The following LTBP2 variants were observed in gnomAD, a reference collection of about 807,000 sequenced individuals.
LTBP2 encodes latent transforming growth factor beta binding protein 2.
LTBP2 carries 103 observed loss-of-function variants against 210.6 expected under a neutral mutation model. That is an observed-to-expected ratio of 0.49 (90% CI 0.42 to 0.58). The LOEUF is 0.58. Among genes scored for constraint, LTBP2 ranks in the 20% least tolerant of loss-of-function variants. LTBP2 has a pLI of 0.00. For synonymous variants in LTBP2, 1,007 were observed against 1,015.0 expected, an observed-to-expected ratio of 0.99 and a Z score of 0.15; for missense variants, 2,313 against 2,494.5, an observed-to-expected ratio of 0.93 and a Z score of 1.55.
At position 74,545,340 on chromosome 14, in the gene LTBP2, C is replaced by G. The variant is rs189793226; in HGVS notation, c.1789+4523G>C. Among the ~76,000 whole-genome samples, 684 of 152,248 alleles carry G rather than the reference C, an allele frequency of 4.5e-3. 8 individuals are homozygous for G. Among genetic ancestry groups the G allele is most frequent in the Non-Finnish European group, 5.1e-3 (345 of 68,010 alleles). On this transcript the variant is annotated intron_variant, in intron 8 of 35. Coordinates refer to ENST00000261978, the MANE Select transcript of LTBP2 (RefSeq NM_000428.3). Reference sequence around the variant, plus strand: ...AGGTGGCTGTACAAATTCAGTGAGACAAAACATGTGAAGGGCCCAGTGTAA... The same window carrying G: ...AGGTGGCTGTACAAATTCAGTGAGAGAAAACATGTGAAGGGCCCAGTGTAA...
chr14:74,592,827 C>T (rs755059453), intron 2 of LTBP2, among the ~76,000 whole-genome samples: 8 of 152,120 alleles, frequency 5.3e-5, no homozygotes, highest in Non-Finnish European at 8.8e-5. Flanking sequence ...AGACGGAATA[C>T]CCCCCAGCCC....
At position 74,508,157 on chromosome 14, in the gene LTBP2, G is replaced by A. The variant is rs2087015749; in HGVS notation, c.3653-62C>T. The A allele has an allele frequency of 2.5e-6, 4 of 1,601,270 alleles. No individual in the cohort carries two copies. In the African/African-American group the frequency reaches 5.4e-5, roughly 21 times the overall value. On this transcript the variant is annotated intron_variant, in intron 24 of 35. Transcript: ENST00000261978. ...GGTCCCTTCCCTGTTAGGGTCCTGTGTAGCTTCCTCTGGGCCCTGAGTAGC... is the reference window on the plus strand; with the variant it reads ...GGTCCCTTCCCTGTTAGGGTCCTGTATAGCTTCCTCTGGGCCCTGAGTAGC...
chr14:74,532,594 T>C (rs764883752), intron 9 of LTBP2, 46 bp from the exon 10 acceptor site: 19 of 1,608,892 alleles, frequency 1.2e-5, no homozygotes, highest in Non-Finnish European at 1.6e-5. Context: ...CACGGAGGCC[T>C]GATGGAGCAG....
At position 74,506,141 on chromosome 14, in the gene LTBP2, C is replaced by T; in HGVS notation, c.4084G>A (p.Glu1362Lys). The change falls in exon 28 of 36, where the codon GAG (glutamate) becomes AAG (lysine). Residue 1362 changes from glutamate (E) to lysine (K), a missense_variant. By Grantham distance (56) the Glu-to-Lys change is moderately conservative. Transcript: ENST00000261978. ...MLAVCGAALCENVEGSFLCLC... is the reference protein window; with the variant it reads ...MLAVCGAALCKNVEGSFLCLC... ...CACAGGAAGGAGCCCTCCACGTTCT[C>T]ACAGAGCGCGGCCCCACATACCGCC... 1.2e-6 allele frequency: 2 copies of T among 1,614,238 alleles called. No individual in the cohort carries two copies. Among genetic ancestry groups the T allele is most frequent in the Non-Finnish European group, 1.7e-6 (2 of 1,180,058 alleles).
intron 8 of LTBP2, among the ~76,000 whole-genome samples, chr14:74,549,346 T>C (rs2087618601): frequency 6.6e-6 from 1 of 152,228 alleles, no homozygotes; most frequent in African/African-American, 2.4e-5. Flanking sequence ...TAACACATGT[T>C]AGGTTTTTCC....
chr14:74,532,593 C>T, intron 9 of LTBP2, 45 bp from the exon 10 acceptor site: 2 of 1,609,852 alleles, frequency 1.2e-6, no homozygotes, highest in Non-Finnish European at 1.7e-6. Context: ...CCACGGAGGC[C>T]TGATGGAGCA....
In LTBP2 at chr14:74,509,386, C is replaced by T. The variant is rs186033095; in HGVS notation, c.3278-23G>A. The T allele has an allele frequency of 6.8e-3, 10,917 of 1,612,492 alleles. 38 individuals carry two copies. The highest frequency in any genetic ancestry group is 8.9e-3 in the Middle Eastern group (54 of 6,052). On this transcript the variant is annotated intron_variant, in intron 21 of 35. Coordinates refer to ENST00000261978, the MANE Select transcript of LTBP2 (RefSeq NM_000428.3). ...GGTCTGCAGACAGACAGCGCTCGCC[C>T]GGGGACCTAGGAGGGCTCCCACTCC...
At position 74,597,509 on chromosome 14, in the gene LTBP2, T is replaced by C. The variant is rs546929424; in HGVS notation, c.565+6126A>G. 7.3e-4 allele frequency among the ~76,000 whole-genome samples: 111 copies of C among 152,274 alleles called. 1 individual carries two copies. The South Asian group carries it at 9.5e-3, about 13-fold the overall frequency. The stretch of plus-strand genomic sequence containing the variant: ...CTCTTTGATAAACAGGTCCCAAGCA[T>C]GTACAAAGGACACAGGTGTGGAGAG... On this transcript the variant is annotated intron_variant, in intron 2 of 35. Coordinates refer to ENST00000261978, the MANE Select transcript of LTBP2 (RefSeq NM_000428.3).
At chr14:74,548,071 G>A (rs1385447198) in intron 8 of LTBP2, among the ~76,000 whole-genome samples, 1 of 151,822 alleles carries the variant, frequency 6.6e-6, no homozygotes, top group Non-Finnish European at 1.5e-5. Context: ...CATCCTGGAA[G>A]TCACCTCCTC....
rs753136671 is a variant in LTBP2 at position 74,603,685 on chromosome 14, T to C, written c.515A>G (p.Gln172Arg). The change falls in exon 2 of 36, where the codon CAG becomes CGG. Residue 172 changes from glutamine to arginine, a missense_variant. By Grantham distance (43) the Gln-to-Arg change is conservative. Transcript: ENST00000261978. The part of the protein sequence containing the change: ...RLTGRNVCGG[Q>R]CCPGWTTANS... The stretch of plus-strand genomic sequence containing the variant: ...TGCTGTTGTCCATCCTGGGCAGCAC[T>C]GTCCCCCGCAGACGTTCCTCCTGTG... The C allele has an allele frequency of 6.2e-7, 1 of 1,614,200 alleles. No homozygotes were observed. Among genetic ancestry groups the C allele is most frequent in the East Asian group, 2.2e-5 (1 of 44,878 alleles).
chr14:74,608,883 T>C (rs1045715238), intron 1 of LTBP2, among the ~76,000 whole-genome samples: 2 of 152,200 alleles, frequency 1.3e-5, no homozygotes, highest in Non-Finnish European at 2.9e-5. Context: ...TAAGTCTTTA[T>C]TATGTGCAAT....
intron 9 of LTBP2, among the ~76,000 whole-genome samples, chr14:74,534,465 T>G (rs2087393019): frequency 6.6e-6 from 1 of 152,110 alleles, no homozygotes; most frequent in Non-Finnish European, 1.5e-5. Context: ...TTGGCCAACG[T>G]GTACTCATTT....
intron 2 of LTBP2, among the ~76,000 whole-genome samples, chr14:74,593,795 A>C (rs1316187281): frequency 6.6e-6 from 1 of 151,918 alleles, no homozygotes; most frequent in Non-Finnish European, 1.5e-5. Flanking sequence ...CAACAAAACT[A>C]ACCACTCCCC....
At chr14:74,520,500 C>T (rs1400065483) in intron 17 of LTBP2, among the ~76,000 whole-genome samples, 1 of 152,146 alleles carries the variant, frequency 6.6e-6, no homozygotes, top group Non-Finnish European at 1.5e-5. Flanking sequence ...ATTAAGTGCT[C>T]ATTAAATGGT....
chr14:74,501,622 C>G, intron 34 of LTBP2, 32 bp from the exon 35 acceptor site: 1 of 1,613,300 alleles, frequency 6.2e-7, no homozygotes. Context: ...GAGGAGGAGG[C>G]TGAGGGCTGT....
chr14:74,601,263 G>A (rs2088442170), intron 2 of LTBP2, among the ~76,000 whole-genome samples: 1 of 152,054 alleles, frequency 6.6e-6, no homozygotes, highest in African/African-American at 2.4e-5. Context: ...AAATTATGAG[G>A]GGCTGGGCGT....
chr14:74,555,350 G>A (rs1183981112), intron 4 of LTBP2, among the ~76,000 whole-genome samples, 153 bp downstream of exon 4: 1 of 152,210 alleles, frequency 6.6e-6, no homozygotes, highest in Non-Finnish European at 1.5e-5. Context: ...CCGGCACAAA[G>A]CAGGTGCTCA....
Position 74,521,846 on chromosome 14 carries a change from T to C in LTBP2, c.2788+65A>G, listed in dbSNP as rs1403580552. The C allele has an allele frequency of 5.6e-6, 9 of 1,606,080 alleles. No individual in the cohort carries two copies. The Admixed American group carries it at 1.5e-4, about 27-fold the overall frequency. On this transcript the variant is annotated intron_variant, in intron 17 of 35. Transcript: ENST00000261978. ...CACGGTGTTTGGGGGTGTGAACCCC[T>C]GGTTCCTCTTCCACCCCCTCAAGAC...
intron 3 of LTBP2, among the ~76,000 whole-genome samples, chr14:74,572,748 CACACACGCAT>C (rs1024228964): frequency 4.3e-4 from 65 of 152,272 alleles, no homozygotes; most frequent in African/African-American, 1.5e-3. Flanking sequence ...CCCCGCCACA[CACACACGCAT>C]ACACACACAT....
Sources: allele counts gnomAD v4.1 joint callset (sites outside exome capture counted in the v4.1 genomes callset), GRCh38; gene constraint gnomAD v4.1.1; transcripts MANE v1.5; gene names NCBI Gene and HGNC (gene_info 2026-07-23, HGNC 2026-07-21).